NDUFA10: variants seen among roughly 807,000 people sequenced by gnomAD.
NDUFA10 encodes the protein NADH:ubiquinone oxidoreductase subunit A10.
NDUFA10 carries 40 observed loss-of-function variants against 47.8 expected under a neutral mutation model. The observed-to-expected ratio is 0.84, with a 90% CI of 0.65 to 1.09. The LOEUF is 1.09. Ranked by LOEUF, NDUFA10 falls within the 50% of genes least tolerant of loss-of-function variation. The pLI, the probability that NDUFA10 is intolerant of heterozygous loss-of-function variation, is 0.00. For missense variants in NDUFA10, 413 were observed against 451.1 expected, an observed-to-expected ratio of 0.92 and a Z score of 0.76; for synonymous variants, 183 against 172.2, an observed-to-expected ratio of 1.06 and a Z score of -0.49.
At chr2:239,943,410 C>T (rs1160180897) in intron 4 of NDUFA10, among the ~76,000 whole-genome samples, 2 of 152,220 alleles carry the variant, frequency 1.3e-5, no homozygotes. Context: ...TCAGAGCTCA[C>T]TGCAGCCCCA....
chr2:239,967,113 CTGCT>C (rs567446376), intron 9 of NDUFA10, among the ~76,000 whole-genome samples: 208 of 152,302 alleles, frequency 1.4e-3, no homozygotes, highest in African/African-American at 4.6e-3. Context: ...AGAAATGGAA[CTGCT>C]TGCTTAAGGA....
intron 4 of NDUFA10, among the ~76,000 whole-genome samples, chr2:239,941,335 G>A (rs770495538): frequency 6.6e-6 from 1 of 152,094 alleles, no homozygotes; most frequent in Non-Finnish European, 1.5e-5. Context: ...TCACAAACAG[G>A]GACAGACACT....
intron 7 of NDUFA10, among the ~76,000 whole-genome samples, chr2:240,006,226 C>T (rs1303016620): frequency 6.6e-6 from 1 of 152,134 alleles, no homozygotes. Context: ...AACAGTCTCT[C>T]AAAGGTATAT....
At chr2:239,963,280 G>A (rs988374213) in intron 9 of NDUFA10, among the ~76,000 whole-genome samples, 47 of 152,356 alleles carry the variant, frequency 3.1e-4, no homozygotes, top group Middle Eastern at 3.4e-3. Context: ...TCCCAGGAGG[G>A]GGCGCAGGCA....
rs1694439052 is a variant in NDUFA10, at chr2:239,945,617, A to G, written c.294+44457T>C. On this transcript the variant is annotated intron_variant, in intron 4 of 5. Transcript: ENST00000419408. The surrounding 1 kb of genome is among the most constrained non-coding windows in gnomAD (Gnocchi z 4.6). ...GGACTTGGCCACACACTGGTCCTTC[A>G]TGAACAGTTTTCTCACGGAATGGAT... 6.6e-6 allele frequency among the ~76,000 whole-genome samples: 1 copy of G among 152,226 alleles called. No individual in the cohort carries two copies. Among genetic ancestry groups the G allele is most frequent in the Admixed American group, 6.5e-5 (1 of 15,288 alleles).
intron 9 of NDUFA10, among the ~76,000 whole-genome samples, chr2:239,981,710 A>G (rs1393975789): frequency 6.6e-6 from 1 of 152,220 alleles, no homozygotes; most frequent in African/African-American, 2.4e-5. Context: ...TAAAACATGC[A>G]TGCAACGTCC....
Position 239,921,839 on chromosome 2 carries a change from C to T in NDUFA10, c.295-26525G>A, listed in dbSNP as rs571654005. ...GGGGCAGGGTGGGGACGGGACACTG[C>T]TGGCTCTTTGCTCAGGTCCATCCTC... On this transcript the variant is annotated intron_variant, in intron 4 of 5. Transcript: ENST00000419408. 2.0e-4 allele frequency among the ~76,000 whole-genome samples: 31 copies of T among 152,272 alleles called. No individual in the cohort carries two copies. The South Asian group carries it at 6.4e-3, about 32-fold the overall frequency.
intron 8 of NDUFA10, among the ~76,000 whole-genome samples, chr2:239,992,718 A>G (rs1328331716): frequency 6.6e-6 from 1 of 152,228 alleles, no homozygotes; most frequent in Non-Finnish European, 1.5e-5. Flanking sequence ...AACCAGCCCA[A>G]GCAGGCGCCA....
At chr2:239,895,375 G>A in intron 4 of NDUFA10, 1 of 381,220 alleles carries the variant, frequency 2.6e-6, no homozygotes, top group Non-Finnish European at 5.6e-6. Context: ...CCCGAGCTCT[G>A]TGCAGGTGTA....
intron 9 of NDUFA10, among the ~76,000 whole-genome samples, chr2:239,975,373 C>T (rs1040551664): frequency 1.3e-5 from 2 of 152,200 alleles, no homozygotes; most frequent in Non-Finnish European, 2.9e-5. Context: ...AATGCGAGAA[C>T]AGCCTAATAC....
intron 9 of NDUFA10, among the ~76,000 whole-genome samples, chr2:239,983,082 G>A (rs1265556116): frequency 1.3e-5 from 2 of 152,208 alleles, no homozygotes; most frequent in Non-Finnish European, 2.9e-5. Context: ...TGTCTGCTAA[G>A]GGCTCTACCG....
At chr2:239,973,738 A>C (rs1317061612) in intron 9 of NDUFA10, 4 of 398,840 alleles carry the variant, frequency 1.0e-5, no homozygotes, top group Non-Finnish European at 2.0e-5. Flanking sequence ...GACCTGATAC[A>C]ATGTTTAAAA....
At chr2:239,924,599 T>G (rs780777338) in intron 4 of NDUFA10, among the ~76,000 whole-genome samples, 1 of 152,122 alleles carries the variant, frequency 6.6e-6, no homozygotes, top group Non-Finnish European at 1.5e-5. Flanking sequence ...AAATCACAGC[T>G]AACATAACAC....
At chr2:239,949,699 G>A (rs1431249174) in intron 4 of NDUFA10, among the ~76,000 whole-genome samples, 3 of 151,754 alleles carry the variant, frequency 2.0e-5, no homozygotes, top group Admixed American at 6.6e-5. Flanking sequence ...GCCCGGGCTG[G>A]TCTCCAACTC....
At chr2:239,993,787 C>T (rs1325321357) in intron 8 of NDUFA10, among the ~76,000 whole-genome samples, 2 of 152,050 alleles carry the variant, frequency 1.3e-5, no homozygotes, top group African/African-American at 4.8e-5. Flanking sequence ...CAGGGTGTGA[C>T]TTTGGGGAGG....
downstream of NDUFA10, among the ~76,000 whole-genome samples, chr2:239,956,286 A>G (rs1004010093): frequency 1.3e-5 from 2 of 152,198 alleles, no homozygotes; most frequent in Admixed American, 6.5e-5. Context: ...ACGCACGGTG[A>G]TAACTTCTGT....
chr2:239,937,655 T>C (rs982292342), intron 4 of NDUFA10, among the ~76,000 whole-genome samples: 18 of 152,224 alleles, frequency 1.2e-4, no homozygotes, highest in African/African-American at 4.3e-4. Flanking sequence ...TGAACATGCA[T>C]GTACAAGACT....
At chr2:239,939,467 C>A (rs183154480) in intron 4 of NDUFA10, among the ~76,000 whole-genome samples, 2 of 152,242 alleles carry the variant, frequency 1.3e-5, no homozygotes, top group African/African-American at 2.4e-5. Flanking sequence ...CGTACTCCAA[C>A]GTGTCTGCCA....
intron 5 of NDUFA10, chr2:239,895,086 T>C (rs940932048): frequency 3.8e-5 from 10 of 261,694 alleles, no homozygotes; most frequent in Non-Finnish European, 7.5e-5. Flanking sequence ...CAGTGCCCTG[T>C]AGAGAAGAAT....
Sources: allele counts gnomAD v4.1 joint callset (sites outside exome capture counted in the v4.1 genomes callset), GRCh38; gene constraint gnomAD v4.1.1; non-coding constraint Gnocchi (gnomAD v3.1); transcripts MANE v1.5; gene names NCBI Gene and HGNC (gene_info 2026-07-23, HGNC 2026-07-21).